ARHGAP31: variants seen among roughly 807,000 people sequenced by gnomAD.
ARHGAP31 encodes the protein rho GTPase-activating protein 31.
In ARHGAP31, 34 loss-of-function variants were observed where a neutral mutation model predicts 113.9. The observed-to-expected ratio is 0.30, with a 90% CI of 0.23 to 0.40. ARHGAP31 has a LOEUF of 0.40. Among genes scored for constraint, ARHGAP31 ranks in the 10% least tolerant of loss-of-function variants. ARHGAP31 has a pLI of 1.00. For synonymous variants in ARHGAP31, 650 were observed against 684.8 expected, an observed-to-expected ratio of 0.95 and a Z score of 0.79; for missense variants, 1,548 against 1,767.1, an observed-to-expected ratio of 0.88 and a Z score of 2.22.
At chr3:119,381,527 T>G (rs2080396839) in intron 4 of ARHGAP31, among the ~76,000 whole-genome samples, 1 of 152,290 alleles carries the variant, frequency 6.6e-6, no homozygotes, top group South Asian at 2.1e-4. Flanking sequence ...AGAAGGAACT[T>G]CCTAGCAATA....
At chr3:119,409,869 T>C in intron 11 of ARHGAP31, 93 bp downstream of exon 11, 2 of 1,384,242 alleles carry the variant, frequency 1.4e-6, no homozygotes, top group Non-Finnish European at 1.9e-6. Flanking sequence ...AAAAAATTTT[T>C]TTTTGAAAAA....
At chr3:119,327,606 C>G (rs1197043232) in intron 1 of ARHGAP31, among the ~76,000 whole-genome samples, 1 of 152,154 alleles carries the variant, frequency 6.6e-6, no homozygotes, top group African/African-American at 2.4e-5. Flanking sequence ...TCTTCCCCCA[C>G]CTCTCCCACT....
intron 1 of ARHGAP31, 63 bp from the exon 2 acceptor site, chr3:119,365,253 T>G (rs2080243607): frequency 2.2e-6 from 3 of 1,369,772 alleles, no homozygotes; most frequent in South Asian, 2.4e-5. Flanking sequence ...TAAAAGGATA[T>G]CTTTAAAAGA....
Position 119,414,094 on chromosome 3 carries a change from C to T in ARHGAP31, c.2165C>T (p.Pro722Leu), listed in dbSNP as rs773182546. ...STPLEVWTRD[P>L]ANQSTQGAST... is the part of the protein sequence containing the mutation. ...CCTCTGGAGGTGTGGACTAGGGATC[C>T]AGCCAATCAGAGCACACAGGGGGCT... Residue 722 changes from proline to leucine, a missense_variant, in exon 12 of 12, where the codon CCA (proline) becomes CTA (leucine). By Grantham distance (98) the Pro-to-Leu change is moderately conservative. Transcript: ENST00000264245. 16 of 1,614,040 alleles carry T rather than the reference C, an allele frequency of 9.9e-6. No homozygotes were observed. In the Middle Eastern group the frequency reaches 4.9e-4, roughly 50 times the overall value.
rs577055326 is a variant in ARHGAP31, at chr3:119,392,746, T to C, written c.882-721T>C. ...CCTCTGCGTTTCTCTGCAGTGATCA[T>C]TGACCACACACTGCAGGCTGCTACT... On this transcript the variant is annotated intron_variant, in intron 7 of 11. Coordinates refer to ENST00000264245, the MANE Select transcript of ARHGAP31 (RefSeq NM_020754.4). Among the ~76,000 whole-genome samples the C allele has an allele frequency of 5.3e-4, 80 of 152,330 alleles. 1 individual carries two copies. Among genetic ancestry groups the C allele is most frequent in the African/African-American group, 1.9e-3 (78 of 41,578 alleles).
At chr3:119,339,928 A>T (rs934554080) in intron 1 of ARHGAP31, among the ~76,000 whole-genome samples, 4 of 152,218 alleles carry the variant, frequency 2.6e-5, no homozygotes, top group African/African-American at 9.6e-5. Context: ...GATCAACTGG[A>T]CCTCATCAAT....
At chr3:119,314,901 T>C (rs919362579) in intron 1 of ARHGAP31, 1 of 152,234 alleles carries the variant, frequency 6.6e-6, no homozygotes, top group Non-Finnish European at 1.5e-5. Context: ...GAGCCTGTAT[T>C]TACTGATAGG....
rs1304047568 is a variant in ARHGAP31 at position 119,414,265 on chromosome 3, C to T, written c.2336C>T (p.Pro779Leu). The T allele has an allele frequency of 6.2e-7, 1 of 1,614,198 alleles. No homozygotes were observed. The highest frequency in any genetic ancestry group is 8.5e-7 in the Non-Finnish European group (1 of 1,180,044). ...GTAGGAGGCCCAGGCAATCTGTCTC[C>T]TCCACTCCCACCTGCTCCTCCCCCT... is the stretch of plus-strand genomic sequence containing the variant. ...VEVGGPGNLS[P>L]PLPPAPPPPT... Residue 779 changes from proline (P) to leucine (L), a missense_variant, in exon 12 of 12, where the codon CCT (proline) becomes CTT (leucine). Physicochemically the swap from Pro to Leu is moderately conservative, Grantham distance 98. Coordinates refer to ENST00000264245, the MANE Select transcript of ARHGAP31 (RefSeq NM_020754.4).
Position 119,361,401 on chromosome 3 carries a change from A to T in ARHGAP31, c.101-3915A>T, listed in dbSNP as rs1319634880. ...TTTTTTTTTTTTTTTTTTAAGACAG[A>T]GTCAGAGTCTAGCTTTGTCGCCCAG... On this transcript the variant is annotated intron_variant, in intron 1 of 11. Transcript: ENST00000264245. Among the ~76,000 whole-genome samples the T allele has an allele frequency of 3.5e-5, 5 of 143,114 alleles. No individual in the cohort carries two copies. In the East Asian group the frequency reaches 1.0e-3, roughly 29 times the overall value. The allele number at this position is 143,114 out of a possible 152,430, so 93.9% of individuals were successfully genotyped here. A position where few individuals can be genotyped will look rare whatever the true frequency, so the allele number is the denominator to read the frequency against.
In ARHGAP31 at chr3:119,342,956, A is replaced by T. The variant is rs185082766; in HGVS notation, c.101-22360A>T. ...AAGAGTGAAACTCTGTCTCAAAAAA[A>T]AAAAATAAAAAAGGACAAATACACA... On this transcript the variant is annotated intron_variant, in intron 1 of 11. Transcript: ENST00000264245. Among the ~76,000 whole-genome samples the T allele has an allele frequency of 6.0e-3, 917 of 152,318 alleles. 6 individuals carry two copies. The highest frequency in any genetic ancestry group is 0.017 in the Middle Eastern group (5 of 294).
chr3:119,330,045 T>C, intron 1 of ARHGAP31: 1 of 961,086 alleles, frequency 1.0e-6, no homozygotes, highest in South Asian at 4.8e-5. Flanking sequence ...AACCAACTAG[T>C]GTGGTAGATA....
At chr3:119,403,149 A>T (rs947269149) in intron 10 of ARHGAP31, among the ~76,000 whole-genome samples, 11 of 152,330 alleles carry the variant, frequency 7.2e-5, no homozygotes, top group Admixed American at 7.2e-4. Flanking sequence ...CTGACAATCA[A>T]ACCAACAAAT....
At chr3:119,318,129 G>C (rs1417148546) in intron 1 of ARHGAP31, among the ~76,000 whole-genome samples, 2 of 152,070 alleles carry the variant, frequency 1.3e-5, no homozygotes, top group African/African-American at 4.8e-5. Flanking sequence ...CATTAGCTGG[G>C]CATGGTGGCT....
At chr3:119,308,764 G>C (rs146145296) in intron 1 of ARHGAP31, among the ~76,000 whole-genome samples, 2 of 152,166 alleles carry the variant, frequency 1.3e-5, no homozygotes, top group Admixed American at 6.5e-5. Flanking sequence ...GAAAGGTGTC[G>C]CACTGGGCAA....
intron 8 of ARHGAP31, 85 bp from the exon 9 acceptor site, chr3:119,399,114 T>C (rs962323786): frequency 1.6e-6 from 2 of 1,232,926 alleles, no homozygotes; most frequent in Non-Finnish European, 2.4e-6. Flanking sequence ...AATTTTGTCT[T>C]GGGTACTTAA....
chr3:119,359,493 A>G (rs2080187193), intron 1 of ARHGAP31, among the ~76,000 whole-genome samples: 1 of 152,084 alleles, frequency 6.6e-6, no homozygotes, highest in Non-Finnish European at 1.5e-5. Flanking sequence ...TTAAATAAAT[A>G]CCACAACTTT....
chr3:119,343,590 C>T (rs920849566), intron 1 of ARHGAP31, among the ~76,000 whole-genome samples: 1 of 152,164 alleles, frequency 6.6e-6, no homozygotes, highest in East Asian at 1.9e-4. Context: ...CTGCCCCAGC[C>T]CATCCACATA....
chr3:119,319,338 T>C (rs1170940786), intron 1 of ARHGAP31, among the ~76,000 whole-genome samples: 1 of 152,070 alleles, frequency 6.6e-6, no homozygotes, highest in East Asian at 1.9e-4. Flanking sequence ...TATGTTGGTG[T>C]TTTGATTTTA....
At chr3:119,386,386 A>G (rs1416029453) in intron 6 of ARHGAP31, among the ~76,000 whole-genome samples, 1 of 152,176 alleles carries the variant, frequency 6.6e-6, no homozygotes, top group Non-Finnish European at 1.5e-5. Flanking sequence ...CCCATACACC[A>G]CAGTCAGCAC....
Sources: allele counts gnomAD v4.1 joint callset (sites outside exome capture counted in the v4.1 genomes callset), GRCh38; gene constraint gnomAD v4.1.1; transcripts MANE v1.5; gene names NCBI Gene and HGNC (gene_info 2026-07-23, HGNC 2026-07-21).